Variants in ALK observed in about 807,000 individuals in gnomAD.
The protein encoded by ALK is ALK receptor tyrosine kinase.
Under a neutral mutation model 163.1 loss-of-function variants are expected in ALK, and 74 were observed. The ratio of observed to expected loss-of-function variants is 0.45; its 90% confidence interval spans 0.38 to 0.55. The LOEUF is 0.55. Ranked by LOEUF, ALK falls within the 20% of genes least tolerant of loss-of-function variation. The pLI is 0.00. For synonymous variants in ALK, 960 were observed against 843.2 expected (o/e 1.14, Z -2.40); for missense variants, 2,063 against 2,105.3 (o/e 0.98, Z 0.39).
chr2:29,294,745 G>A (rs1049395795), intron 9 of ALK, among the ~76,000 whole-genome samples: 2 of 152,182 alleles, frequency 1.3e-5, no homozygotes, highest in African/African-American at 4.8e-5. Flanking sequence ...TTTTACTGAT[G>A]AGGACACTGA....
intron 12 of ALK, among the ~76,000 whole-genome samples, chr2:29,247,543 C>A (rs375741537): frequency 6.6e-6 from 1 of 152,366 alleles, no homozygotes; most frequent in East Asian, 1.9e-4. Flanking sequence ...CTGCCCCGCA[C>A]CCCCTTCCTC....
intron 3 of ALK, among the ~76,000 whole-genome samples, chr2:29,590,802 T>C (rs1247307454): frequency 2.0e-5 from 3 of 151,860 alleles, no homozygotes; most frequent in Non-Finnish European, 2.9e-5. Flanking sequence ...CCGGGCGCGG[T>C]GGCTCACGCC....
intron 1 of ALK, among the ~76,000 whole-genome samples, chr2:29,847,222 C>G (rs1265347885): frequency 2.0e-5 from 3 of 152,100 alleles, no homozygotes; most frequent in Non-Finnish European, 4.4e-5. Flanking sequence ...CTAGAGGTGA[C>G]CATAATGAGC....
chr2:29,644,326 C>A (rs1041245327), intron 3 of ALK, among the ~76,000 whole-genome samples: 3 of 151,648 alleles, frequency 2.0e-5, no homozygotes, highest in African/African-American at 7.3e-5. Context: ...TACAGCACAC[C>A]AACATGGCAC....
At chr2:29,878,393 A>G (rs1666775433) in intron 1 of ALK, among the ~76,000 whole-genome samples, 1 of 152,204 alleles carries the variant, frequency 6.6e-6, no homozygotes. Flanking sequence ...TACTCTCACA[A>G]CATTCCTGCA....
intron 4 of ALK, among the ~76,000 whole-genome samples, chr2:29,403,980 C>T (rs772717045): frequency 6.6e-6 from 1 of 151,926 alleles, no homozygotes; most frequent in Non-Finnish European, 1.5e-5. Flanking sequence ...GACATCCTTG[C>T]ATTTCAATCT....
intron 4 of ALK, among the ~76,000 whole-genome samples, chr2:29,414,437 C>T (rs1340632587): frequency 6.6e-6 from 1 of 152,108 alleles, no homozygotes; most frequent in Admixed American, 6.5e-5. Context: ...CTTTTGAGTC[C>T]CCATTCTTGC....
intron 3 of ALK, among the ~76,000 whole-genome samples, chr2:29,611,676 T>C: frequency 6.6e-6 from 1 of 152,194 alleles, no homozygotes; most frequent in Non-Finnish European, 1.5e-5. Flanking sequence ...ATCGTGGGCA[T>C]GGGCTTCCTT....
intron 3 of ALK, among the ~76,000 whole-genome samples, chr2:29,553,773 G>A (rs1448505650): frequency 6.6e-6 from 1 of 152,118 alleles, no homozygotes. Flanking sequence ...AATTATATTT[G>A]TTGTTTCAAT....
chr2:29,760,119 G>A (rs1465902779), intron 1 of ALK, among the ~76,000 whole-genome samples: 4 of 152,052 alleles, frequency 2.6e-5, no homozygotes, highest in African/African-American at 9.7e-5. Flanking sequence ...CTCGCTTTCA[G>A]GCCAGACAAG....
chr2:29,601,247 A>G (rs571764651), intron 3 of ALK, among the ~76,000 whole-genome samples: 1 of 152,202 alleles, frequency 6.6e-6, no homozygotes, highest in Non-Finnish European at 1.5e-5. Flanking sequence ...GACAGGTTCT[A>G]ATACTTTACA....
intron 3 of ALK, among the ~76,000 whole-genome samples, chr2:29,537,356 C>T (rs1573438898): frequency 1.3e-5 from 2 of 152,334 alleles, no homozygotes; most frequent in East Asian, 3.9e-4. Context: ...TGACACTGCT[C>T]CTTACATTCT....
intron 4 of ALK, among the ~76,000 whole-genome samples, chr2:29,528,999 C>A (rs1346985751): frequency 6.6e-6 from 1 of 152,194 alleles, no homozygotes; most frequent in African/African-American, 2.4e-5. Context: ...GCCACTCATG[C>A]TCTGTGATTC....
chr2:29,571,085 T>C (rs1163269914), intron 3 of ALK, among the ~76,000 whole-genome samples: 2 of 151,744 alleles, frequency 1.3e-5, no homozygotes, highest in African/African-American at 4.8e-5. Flanking sequence ...TGGAGGGAGA[T>C]AGTGGAGGGG....
chr2:29,755,887 A>G (rs1299540864), intron 1 of ALK, among the ~76,000 whole-genome samples: 1 of 152,234 alleles, frequency 6.6e-6, no homozygotes, highest in Non-Finnish European at 1.5e-5. Context: ...CAGACCTGTC[A>G]GCTCAGCCCT....
chr2:29,355,726 C>T (rs1014632834), intron 5 of ALK, among the ~76,000 whole-genome samples: 2 of 152,140 alleles, frequency 1.3e-5, no homozygotes, highest in African/African-American at 2.4e-5. Context: ...GCATTAAAAC[C>T]TAACACCCTG....
At chr2:29,857,901 A>G (rs1666185368) in intron 1 of ALK, among the ~76,000 whole-genome samples, 1 of 152,212 alleles carries the variant, frequency 6.6e-6, no homozygotes, top group African/African-American at 2.4e-5. Context: ...GAAATAGCAG[A>G]GTGATCCTGT....
intron 4 of ALK, among the ~76,000 whole-genome samples, chr2:29,447,945 T>C (rs963728859): frequency 3.3e-5 from 5 of 152,204 alleles, no homozygotes; most frequent in African/African-American, 1.2e-4. Flanking sequence ...ATTGGTGTAG[T>C]GAAAGGGTGA....
At chr2:29,463,009 T>C (rs576512962) in intron 4 of ALK, among the ~76,000 whole-genome samples, 3 of 152,260 alleles carry the variant, frequency 2.0e-5, no homozygotes, top group South Asian at 4.1e-4. Context: ...AATAAATATA[T>C]AGAACATATT....
Sources: gnomAD v4.1 joint callset for allele counts (sites outside exome capture counted in the v4.1 genomes callset) on GRCh38, gnomAD v4.1.1 for gene constraint, MANE v1.5 for transcripts, NCBI Gene and HGNC (gene_info 2026-07-23, HGNC 2026-07-21) for gene names.